Variants in ATRNL1 observed in about 807,000 individuals in gnomAD.
ATRNL1 encodes attractin like 1.
A neutral mutation model predicts 182.7 loss-of-function variants in ATRNL1; 95 were observed. That is an observed-to-expected ratio of 0.52 (90% CI 0.44 to 0.62). ATRNL1 has a LOEUF of 0.62. ATRNL1 is among the 20% of genes least tolerant of loss of function. The probability of loss-of-function intolerance (pLI) is 0.00; values close to 1 mark genes in which losing one functional copy is unlikely to be tolerated. For missense variants in ATRNL1, 1,471 were observed against 1,679.5 expected, an observed-to-expected ratio of 0.88 and a Z score of 2.17; for synonymous variants, 576 against 568.3, an observed-to-expected ratio of 1.01 and a Z score of -0.19.
intron 27 of ATRNL1, among the ~76,000 whole-genome samples, chr10:115,781,552 A>C (rs1949266283): frequency 1.3e-5 from 2 of 152,324 alleles, no homozygotes; most frequent in South Asian, 4.1e-4. Flanking sequence ...AATGTTGAAC[A>C]AAAGAAGCCA....
chr10:115,600,794 C>T (rs10787584), intron 26 of ATRNL1, among the ~76,000 whole-genome samples: 74,995 of 151,732 alleles, frequency 0.49, 19,448 homozygotes, highest in African/African-American at 0.6. Flanking sequence ...AGGAAACGTC[C>T]ATTTGATGGT....
intron 24 of ATRNL1, among the ~76,000 whole-genome samples, chr10:115,506,194 G>A (rs1271936535): frequency 1.3e-5 from 2 of 151,870 alleles, no homozygotes; most frequent in African/African-American, 4.8e-5. Flanking sequence ...GTGGTGGTGG[G>A]GAATTTAGCC....
At chr10:115,143,108 G>A (rs563716443) in intron 5 of ATRNL1, among the ~76,000 whole-genome samples, 2 of 152,272 alleles carry the variant, frequency 1.3e-5, no homozygotes, top group African/African-American at 4.8e-5. Context: ...AACCATTGAT[G>A]AAATTGGATG....
chr10:115,564,881 TAA>T (rs1403443965), intron 26 of ATRNL1, among the ~76,000 whole-genome samples: 5 of 151,870 alleles, frequency 3.3e-5, no homozygotes, highest in African/African-American at 1.2e-4. Context: ...CATGTAACTG[TAA>T]AGTTCTAATA....
intron 19 of ATRNL1, among the ~76,000 whole-genome samples, chr10:115,346,214 T>TA (rs1554939651): frequency 6.6e-6 from 1 of 152,200 alleles, no homozygotes; most frequent in Non-Finnish European, 1.5e-5. Context: ...TAAAACTTTT[T>TA]AATCTTGTAA....
In ATRNL1 at chr10:115,349,131, C is replaced by T. The variant is rs560430032; in HGVS notation, c.3175+14712C>T. Among the ~76,000 whole-genome samples, 106 of 152,250 alleles carry T rather than the reference C, an allele frequency of 7.0e-4. 2 individuals carry two copies. In the South Asian group the frequency reaches 0.021, roughly 31 times the overall value. The stretch of plus-strand genomic sequence containing the variant: ...CTCATCTCCTCACTAGTGTTCACAG[C>T]CTCTAGTAACCACCATTTCATTCAC... On this transcript the variant is annotated intron_variant, in intron 19 of 28. Transcript: ENST00000355044.
intron 27 of ATRNL1, among the ~76,000 whole-genome samples, chr10:115,744,587 A>T (rs1948236118): frequency 6.6e-6 from 1 of 152,144 alleles, no homozygotes; most frequent in Admixed American, 6.6e-5. Context: ...TAATGTTAGT[A>T]TAATTAGTAA....
chr10:115,851,467 A>T (rs959138020), intron 28 of ATRNL1, among the ~76,000 whole-genome samples: 3 of 152,048 alleles, frequency 2.0e-5, no homozygotes, highest in Admixed American at 6.6e-5. Context: ...TGGCCATTTT[A>T]GTTTCTTTCT....
intron 17 of ATRNL1, among the ~76,000 whole-genome samples, chr10:115,303,716 C>T (rs6585324): frequency 0.04 from 6,080 of 151,652 alleles, 410 homozygotes; most frequent in African/African-American, 0.14. Context: ...TTTTTTTCTT[C>T]CAATACTTTA....
At chr10:115,659,318 C>G (rs1469251714) in intron 26 of ATRNL1, among the ~76,000 whole-genome samples, 2 of 152,122 alleles carry the variant, frequency 1.3e-5, no homozygotes, top group Non-Finnish European at 2.9e-5. Context: ...TGTGTCATCT[C>G]TTTCCTCTTA....
chr10:115,913,614 G>A (rs1056456675), intron 28 of ATRNL1, among the ~76,000 whole-genome samples: 1 of 152,190 alleles, frequency 6.6e-6, no homozygotes, highest in Admixed American at 6.5e-5. Context: ...TACTACTACT[G>A]CCTCTAACTC....
At chr10:115,468,601 G>T (rs1274222012) in intron 23 of ATRNL1, among the ~76,000 whole-genome samples, 1 of 150,840 alleles carries the variant, frequency 6.6e-6, no homozygotes, top group Non-Finnish European at 1.5e-5. Context: ...AACCAATTGA[G>T]CATTTAGCTC....
At chr10:115,853,357 T>C (rs1951100695) in intron 28 of ATRNL1, among the ~76,000 whole-genome samples, 1 of 152,200 alleles carries the variant, frequency 6.6e-6, no homozygotes, top group African/African-American at 2.4e-5. Flanking sequence ...TGGTTTATAG[T>C]GCCCCTATTT....
chr10:115,609,625 G>A (rs114604692), intron 26 of ATRNL1, among the ~76,000 whole-genome samples: 1 of 152,126 alleles, frequency 6.6e-6, no homozygotes, highest in African/African-American at 2.4e-5. Context: ...CTGCACAAGT[G>A]TGATTATTTT....
At chr10:115,869,925 T>C (rs1443331624) in intron 28 of ATRNL1, among the ~76,000 whole-genome samples, 1 of 150,130 alleles carries the variant, frequency 6.7e-6, no homozygotes, top group Non-Finnish European at 1.5e-5. Context: ...AACTTCCTAA[T>C]TATTCTCCTC....
intron 28 of ATRNL1, among the ~76,000 whole-genome samples, chr10:115,893,535 C>T (rs575281925): frequency 9.2e-5 from 14 of 152,152 alleles, no homozygotes; most frequent in Non-Finnish European, 1.5e-4. Flanking sequence ...TAGCATAATT[C>T]GTTCTTTTTC....
At chr10:115,652,799 T>TA (rs1465478603) in intron 26 of ATRNL1, among the ~76,000 whole-genome samples, 3 of 152,088 alleles carry the variant, frequency 2.0e-5, no homozygotes, top group Non-Finnish European at 4.4e-5. Context: ...TTTACTTGGA[T>TA]AAAAAGAATT....
chr10:115,174,855 A>G (rs991315439), intron 8 of ATRNL1, among the ~76,000 whole-genome samples: 2 of 151,856 alleles, frequency 1.3e-5, no homozygotes, highest in Admixed American at 1.3e-4. Context: ...AATTTGGCAT[A>G]TAGTTTTTTT....
At chr10:115,305,100 G>T (rs1030177184) in intron 17 of ATRNL1, among the ~76,000 whole-genome samples, 1 of 151,448 alleles carries the variant, frequency 6.6e-6, no homozygotes, top group Non-Finnish European at 1.5e-5. Context: ...TGGACAACAT[G>T]GTCACCCAGT....
Sources: allele counts gnomAD v4.1 joint callset (sites outside exome capture counted in the v4.1 genomes callset), GRCh38; gene constraint gnomAD v4.1.1; transcripts MANE v1.5; gene names NCBI Gene and HGNC (gene_info 2026-07-23, HGNC 2026-07-21).